Variants in ST6GALNAC3 observed in about 807,000 individuals in gnomAD.
ST6GALNAC3 encodes alpha-N-acetylgalactosaminide alpha-2,6-sialyltransferase 3.
ST6GALNAC3 carries 25 observed loss-of-function variants against 32.7 expected under a neutral mutation model. The observed-to-expected ratio is 0.76, with a 90% CI of 0.56 to 1.07. ST6GALNAC3 has a LOEUF of 1.07. ST6GALNAC3 is among the 50% of genes least tolerant of loss of function. ST6GALNAC3 has a pLI of 0.00. For synonymous variants in ST6GALNAC3, 129 were observed against 133.1 expected (o/e 0.97, Z 0.21); for missense variants, 355 against 382.4 (o/e 0.93, Z 0.60).
chr1:76,364,007 A>C (rs977563090), intron 2 of ST6GALNAC3, among the ~76,000 whole-genome samples: 6 of 152,204 alleles, frequency 3.9e-5, no homozygotes, highest in Non-Finnish European at 5.9e-5. Flanking sequence ...GATTTATTGG[A>C]AATACAGACC....
At chr1:76,309,034 C>A (rs1180781272) in intron 1 of ST6GALNAC3, among the ~76,000 whole-genome samples, 1 of 152,172 alleles carries the variant, frequency 6.6e-6, no homozygotes, top group East Asian at 1.9e-4. Flanking sequence ...CCCTTCACAT[C>A]TTCTCTTGGC....
intron 2 of ST6GALNAC3, chr1:76,353,433 T>C (rs1649166489): frequency 6.6e-6 from 1 of 152,092 alleles, no homozygotes; most frequent in Admixed American, 6.5e-5. Flanking sequence ...TTTTGTCAAA[T>C]CATTGTTCGT....
chr1:76,260,460 G>C (rs1658164074), intron 1 of ST6GALNAC3, among the ~76,000 whole-genome samples: 1 of 152,180 alleles, frequency 6.6e-6, no homozygotes, highest in Non-Finnish European at 1.5e-5. Flanking sequence ...ACAGGGTACT[G>C]TGCTCAGCAC....
chr1:76,215,792 C>A (rs1433369994), intron 1 of ST6GALNAC3, among the ~76,000 whole-genome samples: 2 of 152,050 alleles, frequency 1.3e-5, no homozygotes, highest in Non-Finnish European at 2.9e-5. Context: ...TTTTAGGAAG[C>A]TGGGTTCAGT....
chr1:76,570,600 C>T (rs1414435320), intron 3 of ST6GALNAC3, among the ~76,000 whole-genome samples: 2 of 152,100 alleles, frequency 1.3e-5, no homozygotes, highest in Admixed American at 1.3e-4. Flanking sequence ...ACAGTTGATT[C>T]TTTATACTAA....
intron 3 of ST6GALNAC3, among the ~76,000 whole-genome samples, chr1:76,531,862 T>C (rs970626856): frequency 2.0e-5 from 3 of 152,126 alleles, no homozygotes; most frequent in East Asian, 1.9e-4. Flanking sequence ...CCCAGCAACA[T>C]TGGAGTTTGC....
intron 1 of ST6GALNAC3, among the ~76,000 whole-genome samples, chr1:76,100,238 T>C (rs976443072): frequency 1.1e-4 from 16 of 152,156 alleles, no homozygotes; most frequent in Non-Finnish European, 2.1e-4. Flanking sequence ...TTATATCTTT[T>C]TTTACCTGAT....
chr1:76,401,716 A>C (rs1234793535), intron 2 of ST6GALNAC3, among the ~76,000 whole-genome samples: 1 of 152,198 alleles, frequency 6.6e-6, no homozygotes, highest in African/African-American at 2.4e-5. Context: ...TTCAAAACTG[A>C]GGTTATCAGA....
At chr1:76,169,005 C>T (rs1652303766) in intron 1 of ST6GALNAC3, among the ~76,000 whole-genome samples, 1 of 152,074 alleles carries the variant, frequency 6.6e-6, no homozygotes, top group Non-Finnish European at 1.5e-5. Flanking sequence ...ATAATGTTAA[C>T]TGGTTATTTT....
rs1200852103 is a variant in ST6GALNAC3, at chr1:76,217,987, AT to A, written c.19-95808del. Among the ~76,000 whole-genome samples, 11 of 149,440 alleles carry A rather than the reference AT, an allele frequency of 7.4e-5. No homozygotes were observed. In the South Asian group the frequency reaches 8.5e-4, roughly 12 times the overall value. The stretch of plus-strand genomic sequence containing the variant: ...ACGCTGCTATAAACATGCGTGTGCA[AT>A]TTTTTTTTTGTATAATAACTTCTTT... On this transcript the variant is annotated intron_variant, in intron 1 of 4. Transcript: ENST00000328299.
chr1:76,608,530 A>T (rs2100657569), intron 3 of ST6GALNAC3, among the ~76,000 whole-genome samples: 1 of 151,838 alleles, frequency 6.6e-6, no homozygotes, highest in East Asian at 1.9e-4. Context: ...TTGATATAGG[A>T]TCGTCAAGAG....
At position 76,609,539 on chromosome 1, in the gene ST6GALNAC3, T is replaced by G. The variant is rs868711118; in HGVS notation, c.624-17913T>G. Among the ~76,000 whole-genome samples the G allele has an allele frequency of 4.6e-5, 7 of 152,362 alleles. No homozygotes were observed. The South Asian group carries it at 1.4e-3, about 32-fold the overall frequency. On this transcript the variant is annotated intron_variant, in intron 3 of 4. Coordinates refer to ENST00000328299, the MANE Select transcript of ST6GALNAC3 (RefSeq NM_152996.4). Reference sequence around the variant, plus strand: ...TTCTTTAAATGGCTAATACCATAAATTAATTTAATATAGGGTCTATTAAGA... The same window carrying G: ...TTCTTTAAATGGCTAATACCATAAAGTAATTTAATATAGGGTCTATTAAGA...
At chr1:76,194,882 C>T (rs66821894) in intron 1 of ST6GALNAC3, among the ~76,000 whole-genome samples, 12,793 of 152,246 alleles carry the variant, frequency 0.084, 596 homozygotes, top group African/African-American at 0.12. Context: ...TTGAAATCCA[C>T]TGGTCTAGCT....
At chr1:76,361,022 A>C (rs1021216560) in intron 2 of ST6GALNAC3, among the ~76,000 whole-genome samples, 1 of 152,170 alleles carries the variant, frequency 6.6e-6, no homozygotes, top group Non-Finnish European at 1.5e-5. Context: ...TGATGAATTA[A>C]ATGTAAATAA....
chr1:76,374,697 A>T (rs2101091272), intron 2 of ST6GALNAC3, among the ~76,000 whole-genome samples: 1 of 152,308 alleles, frequency 6.6e-6, no homozygotes, highest in East Asian at 1.9e-4. Context: ...ACAGTTTTGA[A>T]ACAGCTGTGG....
At chr1:76,175,302 T>C (rs1284540691) in intron 1 of ST6GALNAC3, among the ~76,000 whole-genome samples, 1 of 152,228 alleles carries the variant, frequency 6.6e-6, no homozygotes, top group Non-Finnish European at 1.5e-5. Flanking sequence ...TGTTTTTTCC[T>C]ACCCTCTCCC....
intron 3 of ST6GALNAC3, among the ~76,000 whole-genome samples, chr1:76,610,392 T>C (rs536633406): frequency 6.6e-6 from 1 of 152,340 alleles, no homozygotes; most frequent in East Asian, 1.9e-4. Context: ...CAATCATTCC[T>C]TGCTCTTGTC....
At position 76,088,440 on chromosome 1, in the gene ST6GALNAC3, A is replaced by G. The variant is rs1393103949; in HGVS notation, c.18+13556A>G. On this transcript the variant is annotated intron_variant, in intron 1 of 4. Coordinates refer to ENST00000328299, the MANE Select transcript of ST6GALNAC3 (RefSeq NM_152996.4). ...AAAATCCTTTGAGGCTTTTTAAAAA[A>G]TGTATTTGAAGAATTTCCAATCAGA... Among the ~76,000 whole-genome samples, 3 of 152,208 alleles carry G rather than the reference A, an allele frequency of 2.0e-5. No homozygotes were observed. The East Asian group carries it at 5.8e-4, about 29-fold the overall frequency.
At chr1:76,288,451 C>A (rs1451847098) in intron 1 of ST6GALNAC3, among the ~76,000 whole-genome samples, 1 of 152,146 alleles carries the variant, frequency 6.6e-6, no homozygotes, top group Non-Finnish European at 1.5e-5. Context: ...GGGCTCTGGA[C>A]AAAGTAACTA....
Sources: allele counts gnomAD v4.1 joint callset (sites outside exome capture counted in the v4.1 genomes callset), GRCh38; gene constraint gnomAD v4.1.1; transcripts MANE v1.5; gene names NCBI Gene and HGNC (gene_info 2026-07-23, HGNC 2026-07-21).